Variants in HERC3 observed in about 807,000 individuals in gnomAD.
HERC3 encodes the protein HECT and RLD domain containing E3 ubiquitin protein ligase 3, also known as probable E3 ubiquitin-protein ligase HERC3.
Under a neutral mutation model 129.9 loss-of-function variants are expected in HERC3, and 58 were observed. The observed-to-expected ratio is 0.45, with a 90% confidence interval of 0.36 to 0.56. HERC3 has a LOEUF of 0.56. HERC3 is among the 20% of genes least tolerant of loss of function. The probability of loss-of-function intolerance (pLI) is 0.00; values close to 1 mark genes in which losing one functional copy is unlikely to be tolerated. For missense variants in HERC3, 835 were observed against 1,244.2 expected, an observed-to-expected ratio of 0.67 and a Z score of 4.95; for synonymous variants, 430 against 451.0, an observed-to-expected ratio of 0.95 and a Z score of 0.59.
chr4:88,677,995 T>G lies in HERC3; in HGVS notation c.2057T>G (p.Val686Gly). ...VAVNGANLQN[V>G]FMLLTLEPLL... is the part of the protein sequence containing the mutation. ...GTCAATGGAGCCAACCTGCAGAATGTCTTCATGCTTCTCACCCTGGAGCCT... is the reference window on the plus strand; with the variant it reads ...GTCAATGGAGCCAACCTGCAGAATGGCTTCATGCTTCTCACCCTGGAGCCT... Residue 686 changes from valine to glycine, a missense_variant, in exon 19 of 26, where the codon GTC becomes GGC. By Grantham distance (109) the Val-to-Gly change is moderately radical. Transcript: ENST00000402738. The G allele has an allele frequency of 6.2e-7, 1 of 1,613,472 alleles. No homozygotes were observed. The highest frequency in any genetic ancestry group is 8.5e-7 in the Non-Finnish European group (1 of 1,179,986).
chr4:88,571,113 A>G, the HERC3 span, among the ~76,000 whole-genome samples: 2 of 152,030 alleles, frequency 1.3e-5, no homozygotes, highest in Non-Finnish European at 2.9e-5. Context: ...GCTGGAGTGC[A>G]GTGGTCAGTC....
intron 21 of HERC3, 38 bp downstream of exon 21, chr4:88,681,363 G>T: frequency 6.4e-7 from 1 of 1,563,448 alleles, no homozygotes; most frequent in Non-Finnish European, 8.7e-7. Context: ...TGAAACTGTT[G>T]TGGCTGCCTC....
intron 16 of HERC3, among the ~76,000 whole-genome samples, chr4:88,672,435 T>G (rs1431483308): frequency 6.6e-6 from 1 of 152,236 alleles, no homozygotes; most frequent in Non-Finnish European, 1.5e-5. Flanking sequence ...ATTTTTTTTA[T>G]TGTATGAGGT....
the HERC3 span, among the ~76,000 whole-genome samples, chr4:88,586,959 C>G: frequency 6.6e-6 from 1 of 152,176 alleles, no homozygotes; most frequent in Non-Finnish European, 1.5e-5. Context: ...ATGGGCCACA[C>G]ATTTTGCTCT....
intron 3 of HERC3, among the ~76,000 whole-genome samples, chr4:88,647,969 C>T (rs1349822307): frequency 6.6e-6 from 1 of 152,080 alleles, no homozygotes; most frequent in Non-Finnish European, 1.5e-5. Flanking sequence ...TTCCTCACCA[C>T]CAGACACTCA....
chr4:88,559,959 G>GA, the HERC3 span, among the ~76,000 whole-genome samples: 15,987 of 129,556 alleles, frequency 0.12, 1,224 homozygotes, highest in African/African-American at 0.28. Context: ...TGTTATTTTT[G>GA]ATTTTTTTTT....
At chr4:88,554,320 G>C in the HERC3 span, among the ~76,000 whole-genome samples, 1 of 149,658 alleles carries the variant, frequency 6.7e-6, no homozygotes, top group African/African-American at 2.5e-5. Context: ...ACTCCAGCCT[G>C]GGCGACAGAG....
intron 18 of HERC3, 27 bp downstream of exon 18, chr4:88,676,450 C>A: frequency 6.8e-7 from 1 of 1,460,754 alleles, no homozygotes. Flanking sequence ...ATTATTTCTT[C>A]TTTTTACTGT....
At chr4:88,532,625 A>C in the HERC3 span, among the ~76,000 whole-genome samples, 1 of 152,170 alleles carries the variant, frequency 6.6e-6, no homozygotes, top group African/African-American at 2.4e-5. Context: ...CCAGCTAACT[A>C]GGCATCCCTC....
intron 12 of HERC3, among the ~76,000 whole-genome samples, chr4:88,664,931 T>C (rs1424912996): frequency 6.6e-6 from 1 of 152,158 alleles, no homozygotes; most frequent in Non-Finnish European, 1.5e-5. Context: ...AATATCTCCC[T>C]CAGGAACCTG....
chr4:88,580,384 G>C, the HERC3 span, among the ~76,000 whole-genome samples: 7 of 152,198 alleles, frequency 4.6e-5, no homozygotes, highest in Admixed American at 2.0e-4. Context: ...AATTAGCCAG[G>C]TGTGGTGGTG....
chr4:88,706,394 T>C (rs1735782137), intron 25 of HERC3, among the ~76,000 whole-genome samples: 1 of 152,102 alleles, frequency 6.6e-6, no homozygotes, highest in Non-Finnish European at 1.5e-5. Context: ...TGGAATTCCG[T>C]AGACAAGGTG....
At chr4:88,540,766 C>A in the HERC3 span, among the ~76,000 whole-genome samples, 1 of 152,124 alleles carries the variant, frequency 6.6e-6, no homozygotes, top group Admixed American at 6.5e-5. Context: ...ACTCTATAAG[C>A]CAGAAGAGAG....
At chr4:88,538,541 TC>T in the HERC3 span, among the ~76,000 whole-genome samples, 1 of 140,528 alleles carries the variant, frequency 7.1e-6, no homozygotes, top group African/African-American at 2.8e-5. Flanking sequence ...TGTCCCAATT[TC>T]CTCTTTTTTT....
intron 11 of HERC3, among the ~76,000 whole-genome samples, chr4:88,662,871 C>G (rs1318715867): frequency 1.3e-5 from 2 of 152,022 alleles, no homozygotes; most frequent in Admixed American, 6.6e-5. Context: ...ATGGTTAACT[C>G]CCATGGGTTT....
intron 21 of HERC3, among the ~76,000 whole-genome samples, chr4:88,683,745 T>A (rs1733074246): frequency 6.6e-6 from 1 of 152,224 alleles, no homozygotes; most frequent in African/African-American, 2.4e-5. Flanking sequence ...AAGAGTACTT[T>A]TTTTCATTAT....
At chr4:88,606,935 C>T (rs534030973) in intron 3 of HERC3, among the ~76,000 whole-genome samples, 4 of 152,200 alleles carry the variant, frequency 2.6e-5, no homozygotes, top group African/African-American at 9.6e-5. Context: ...AGAAACTTTA[C>T]TTCCTGATTA....
chr4:88,696,697 T>G (rs1251541461), intron 23 of HERC3: 1 of 153,188 alleles, frequency 6.5e-6, no homozygotes, highest in South Asian at 2.1e-4. Context: ...TCCTGTGAAG[T>G]GTAAAGCTGA....
At position 88,655,251 on chromosome 4, in the gene HERC3, T is replaced by A. The variant is rs1367099413; in HGVS notation, c.855T>A (p.Pro285=). Residue 285 remains proline (P), a synonymous_variant, in exon 8 of 26, where the codon CCT becomes CCA. Coordinates refer to ENST00000402738, the MANE Select transcript of HERC3 (RefSeq NM_014606.3). ...GHDSMNDEVN[P]RRVLELMGSE... ...ACTCCATGAATGATGAGGTTAACCC[T>A]AGAAGAGTTCTAGAGCTGATGGGTA... The A allele has an allele frequency of 3.7e-6, 6 of 1,614,064 alleles. No individual in the cohort carries two copies. The East Asian group carries it at 1.3e-4, about 36-fold the overall frequency.
Sources: gnomAD v4.1 joint callset for allele counts (sites outside exome capture counted in the v4.1 genomes callset) on GRCh38, gnomAD v4.1.1 for gene constraint, MANE v1.5 for transcripts, NCBI Gene and HGNC (gene_info 2026-07-23, HGNC 2026-07-21) for gene names.